CTF1: variants seen among roughly 807,000 people sequenced by gnomAD.
The protein encoded by CTF1 is cardiotrophin 1.
A neutral mutation model predicts 10.9 loss-of-function variants in CTF1; 9 were observed. The ratio of observed to expected loss-of-function variants is 0.83; its 90% CI spans 0.50 to 1.44. CTF1 has a LOEUF of 1.44. Ranked by LOEUF, CTF1 falls within the 40% of genes most tolerant of loss-of-function variation. CTF1 has a pLI of 0.00. For synonymous variants in CTF1, 133 were observed against 138.8 expected (o/e 0.96, Z 0.29); for missense variants, 259 against 275.3 (o/e 0.94, Z 0.42).
At chr16:30,902,035 C>G (rs1251363795) in intron 2 of CTF1, 43 bp from the exon 3 acceptor site, 1 of 1,415,026 alleles carries the variant, frequency 7.1e-7, no homozygotes. Context: ...GCCCCCTGCC[C>G]GTGCTCCGGG....
rs779426091 is a variant in CTF1 at position 30,902,397 on chromosome 16, C to T, written c.464C>T (p.Pro155Leu). ...AANRGPRAEP[P>L]AATASAASAT... ...AACCGCGGGCCCCGGGCCGAGCCCC[C>T]CGCCGCCACCGCCTCAGCCGCCTCC... Residue 155 changes from proline to leucine, a missense_variant, in exon 3 of 3, where the codon CCC becomes CTC. Coordinates refer to ENST00000279804, the MANE Select transcript of CTF1 (RefSeq NM_001330.5). 2 of 1,261,886 alleles carry T rather than the reference C, an allele frequency of 1.6e-6. No homozygotes were observed. The highest frequency in any genetic ancestry group is 2.0e-6 in the Non-Finnish European group (2 of 1,003,886). The allele number at this position is 1,261,886 out of a possible 1,614,324, so 78.2% of individuals were successfully genotyped here.
At position 30,902,347 on chromosome 16, in the gene CTF1, C is replaced by A. The variant is rs727505121; in HGVS notation, c.414C>A (p.Ala138=). 18 of 1,127,952 alleles carry A rather than the reference C, an allele frequency of 1.6e-5. No individual in the cohort carries two copies. The highest frequency in any genetic ancestry group is 1.8e-5 in the Non-Finnish European group (17 of 924,358). The allele number at this position is 1,127,952 out of a possible 1,614,324, so 69.9% of individuals were successfully genotyped here. The change falls in exon 3 of 3, where the codon GCC becomes GCA. Residue 138 remains alanine (A), a synonymous_variant. Coordinates refer to ENST00000279804, the MANE Select transcript of CTF1 (RefSeq NM_001330.5). ...GGGCCCTGGGCGCCGCCGTGGAGGCCTTGCTGGCCGCGCTGGGCGCCGCCA... is the reference window on the plus strand; with the variant it reads ...GGGCCCTGGGCGCCGCCGTGGAGGCATTGCTGGCCGCGCTGGGCGCCGCCA... ...QARALGAAVE[A]LLAALGAANR...
At chr16:30,900,761 C>A (rs756161840) in intron 2 of CTF1, among the ~76,000 whole-genome samples, 1 of 152,142 alleles carries the variant, frequency 6.6e-6, no homozygotes, top group East Asian at 1.9e-4. Flanking sequence ...CCACCCTTGG[C>A]GACAGTGTGA....
Position 30,899,503 on chromosome 16 carries a change from C to A in CTF1, c.114C>A (p.Thr38=), listed in dbSNP as rs745613118. 2.8e-6 allele frequency: 4 copies of A among 1,436,342 alleles called. No homozygotes were observed. In the African/African-American group the frequency reaches 4.4e-5, roughly 16 times the overall value. The allele number at this position is 1,436,342 out of a possible 1,614,324, so 89.0% of individuals were successfully genotyped here. ...CACACAGCCTTGCGCACCTCCTCAC[C>A]AAATACGCTGAGCAGCTGCTCCAGG... ...RQTHSLAHLL[T]KYAEQLLQEY... The change falls in exon 2 of 3, where the codon ACC becomes ACA. Residue 38 remains threonine (T), a synonymous_variant. Transcript: ENST00000279804.
At chr16:30,899,375 GGA>G (rs2055381490) in intron 1 of CTF1, 38 bp from the exon 2 acceptor site, 2 of 1,211,938 alleles carry the variant, frequency 1.7e-6, no homozygotes, top group African/African-American at 3.0e-5. Context: ...TCAATGAGCA[GGA>G]GGTTGGCCAT....
intron 1 of CTF1, among the ~76,000 whole-genome samples, chr16:30,898,021 A>T (rs79441117): frequency 6.1e-5 from 9 of 146,468 alleles, no homozygotes; most frequent in Non-Finnish European, 1.2e-4. Flanking sequence ...AGTCCAGCTA[A>T]TTTTTTTTTT....
Position 30,902,734 on chromosome 16 carries a change from G to C in CTF1, c.*195G>C. The C allele has an allele frequency of 1.2e-6, 1 of 801,252 alleles. No homozygotes were observed. The highest frequency in any genetic ancestry group is 1.7e-6 in the Non-Finnish European group (1 of 579,096). 49.6% of individuals were successfully genotyped at this position (801,252 alleles called of 1,614,324 possible). A position where few individuals can be genotyped will look rare whatever the true frequency, so the allele number is the denominator to read the frequency against. Reference sequence around the variant, plus strand: ...CTGTCGCCCAGGCTGGGGTGCAGTGGCGCGATCCCAGCACTGCAGCCTCAA... The same window carrying C: ...CTGTCGCCCAGGCTGGGGTGCAGTGCCGCGATCCCAGCACTGCAGCCTCAA... On this transcript the variant is annotated 3_prime_UTR_variant, in exon 3 of 3. Coordinates refer to ENST00000279804, the MANE Select transcript of CTF1 (RefSeq NM_001330.5).
At chr16:30,896,488 A>G, upstream of CTF1, 1 of 661,648 alleles carries the variant, frequency 1.5e-6, no homozygotes, top group East Asian at 3.4e-5. Context: ...AGCTGAGCTC[A>G]GGGCCAAGGA....
rs1215554789 is a variant in CTF1, at chr16:30,902,196, G to T, written c.263G>T (p.Arg88Leu). 2 of 1,188,960 alleles carry T rather than the reference G, an allele frequency of 1.7e-6. No homozygotes were observed. The highest frequency in any genetic ancestry group is 2.1e-6 in the Non-Finnish European group (2 of 962,104). The allele number at this position is 1,188,960 out of a possible 1,614,324, so 73.7% of individuals were successfully genotyped here. Residue 88 changes from arginine to leucine, a missense_variant, in exon 3 of 3, where the codon CGG becomes CTG. Transcript: ENST00000279804. ...HAGLPVHERL[R>L]LDAAALAALP... The stretch of plus-strand genomic sequence containing the variant: ...GGGCTGCCAGTGCACGAGCGGCTGC[G>T]GCTGGACGCGGCGGCGCTGGCCGCG...
intron 1 of CTF1, among the ~76,000 whole-genome samples, chr16:30,897,850 G>A (rs2055367274): frequency 6.7e-6 from 1 of 150,308 alleles, no homozygotes; most frequent in Non-Finnish European, 1.5e-5. Context: ...GCAAGACTCC[G>A]TCTCTCTCTC....
intron 1 of CTF1, 119 bp from the exon 2 acceptor site, chr16:30,899,288 GTGCCTCAT>G: frequency 1.3e-6 from 1 of 783,120 alleles, no homozygotes; most frequent in East Asian, 2.4e-5. Flanking sequence ...CAAAGTTCTG[GTGCCTCAT>G]TTTCCTTCAG....
At chr16:30,901,954 A>G in intron 2 of CTF1, 124 bp from the exon 3 acceptor site, 1 of 869,714 alleles carries the variant, frequency 1.1e-6, no homozygotes, top group Non-Finnish European at 1.5e-6. Flanking sequence ...CAGCTCTGTT[A>G]GGAGGGATTA....
rs989648339 is a variant in CTF1, at chr16:30,902,851, A to G, written c.*312A>G. The G allele has an allele frequency of 1.8e-5, 4 of 219,052 alleles. No homozygotes were observed. Among genetic ancestry groups the G allele is most frequent in the Non-Finnish European group, 2.7e-5 (3 of 111,118 alleles). 13.6% of individuals were successfully genotyped at this position (219,052 alleles called of 1,614,324 possible). A position where few individuals can be genotyped will look rare whatever the true frequency, so the allele number is the denominator to read the frequency against. ...CCACAGCCGGCTAATTTTTTATTTA[A>G]TTTTTTGTAGAGACGAGGTTTCGCC... On this transcript the variant is annotated 3_prime_UTR_variant, in exon 3 of 3. Transcript: ENST00000279804.
chr16:30,896,606 G>C (rs760280450), upstream of CTF1: 14 of 1,253,984 alleles, frequency 1.1e-5, no homozygotes, highest in African/African-American at 1.2e-4. Context: ...CCCTCGAAAG[G>C]GGGGCGTGAA....
At position 30,902,274 on chromosome 16, in the gene CTF1, G is replaced by A. The variant is rs397516649; in HGVS notation, c.341G>A (p.Arg114His). 3.8e-6 allele frequency: 4 copies of A among 1,043,262 alleles called. No individual in the cohort carries two copies. Among genetic ancestry groups the A allele is most frequent in the Non-Finnish European group, 3.4e-6 (3 of 869,964 alleles). 64.6% of individuals were successfully genotyped at this position (1,043,262 alleles called of 1,614,324 possible). The change falls in exon 3 of 3, where the codon CGC becomes CAC. Residue 114 changes from arginine to histidine, a missense_variant. Physicochemically the swap from Arg to His is conservative, Grantham distance 29 (BLOSUM62 0). Transcript: ENST00000279804. Reference sequence around the variant, plus strand: ...CGCCGCCAGGCCGAGCTGAACCCGCGCGCGCCGCGCCTGCTGCGCCGCCTG... The same window carrying A: ...CGCCGCCAGGCCGAGCTGAACCCGCACGCGCCGCGCCTGCTGCGCCGCCTG... ...VCRRQAELNP[R>H]APRLLRRLED...
At chr16:30,897,512 G>A (rs966150703) in intron 1 of CTF1, among the ~76,000 whole-genome samples, 8 of 152,280 alleles carry the variant, frequency 5.3e-5, no homozygotes, top group African/African-American at 1.9e-4. Flanking sequence ...ATGGCCTTAA[G>A]TCAAAGGAAG....
intron 1 of CTF1, among the ~76,000 whole-genome samples, chr16:30,898,141 G>A (rs1003841303): frequency 4.0e-5 from 6 of 151,108 alleles, no homozygotes; most frequent in Non-Finnish European, 8.8e-5. Context: ...GATTACAGGC[G>A]TGAGCCACTG....
rs1020624940 is a variant in CTF1 at position 30,896,655 on chromosome 16, G to A, written c.12G>A (p.Arg4=). MSR[R]EGSLEDPQTD... ...AGCCAGGGGCCAGCATGAGCCGGAGGGAGGGAAGTCTGGGTAAGGGGCTGA... is the reference window on the plus strand; with the variant it reads ...AGCCAGGGGCCAGCATGAGCCGGAGAGAGGGAAGTCTGGGTAAGGGGCTGA... The change falls in exon 1 of 3, where the codon AGG becomes AGA. Residue 4 remains arginine, a synonymous_variant. Coordinates refer to ENST00000279804, the MANE Select transcript of CTF1 (RefSeq NM_001330.5). 3 of 1,252,898 alleles carry A rather than the reference G, an allele frequency of 2.4e-6. No homozygotes were observed. Among genetic ancestry groups the A allele is most frequent in the Non-Finnish European group, 3.0e-6 (3 of 990,142 alleles). The allele number at this position is 1,252,898 out of a possible 1,614,324, so 77.6% of individuals were successfully genotyped here.
At chr16:30,897,269 G>T (rs1020064376) in intron 1 of CTF1, among the ~76,000 whole-genome samples, 1 of 152,180 alleles carries the variant, frequency 6.6e-6, no homozygotes, top group Non-Finnish European at 1.5e-5. Flanking sequence ...CCAGGCCAGC[G>T]CCTTGCATGG....
Sources: gnomAD v4.1 joint callset for allele counts (sites outside exome capture counted in the v4.1 genomes callset) on GRCh38, gnomAD v4.1.1 for gene constraint, MANE v1.5 for transcripts, NCBI Gene and HGNC (gene_info 2026-07-23, HGNC 2026-07-21) for gene names.